Variants in ADGRG1 observed in about 807,000 individuals in gnomAD.
ADGRG1 encodes adhesion G protein-coupled receptor G1, also known as 7-transmembrane protein with no EGF-like N-terminal domains-1.
In ADGRG1, 53 loss-of-function variants were observed where a neutral mutation model predicts 73.5. That is an observed-to-expected ratio of 0.72 (90% CI 0.58 to 0.91). ADGRG1 has a LOEUF of 0.91. Among genes scored for constraint, ADGRG1 ranks in the 40% least tolerant of loss-of-function variants. The pLI is 0.00. For synonymous variants in ADGRG1, 394 were observed against 374.4 expected, an observed-to-expected ratio of 1.05 and a Z score of -0.60; for missense variants, 795 against 871.8, an observed-to-expected ratio of 0.91 and a Z score of 1.11.
Position 57,659,671 on chromosome 16 carries a change from C to T in ADGRG1, c.1545C>T (p.Ala515=). The T allele has an allele frequency of 6.2e-7, 1 of 1,613,844 alleles. No individual in the cohort carries two copies. The highest frequency in any genetic ancestry group is 8.5e-7 in the Non-Finnish European group (1 of 1,179,988). The part of the protein sequence containing the change: ...YVPGYLLKLS[A]MGWGFPIFLV... ...CTGGCTACCTACTCAAGCTGAGCGC[C>T]ATGGGCTGGGGTAAGTGGTTGGGCG... Residue 515 remains alanine, a synonymous_variant, in exon 11 of 14, where the codon GCC becomes GCT. Coordinates refer to ENST00000562631, the MANE Select transcript of ADGRG1 (RefSeq NM_201525.4).
intron 1 of ADGRG1, chr16:57,645,199 C>G (rs2042284084): frequency 1.0e-6 from 1 of 985,330 alleles, no homozygotes; most frequent in South Asian, 4.7e-5. Context: ...AGAGCAGCTG[C>G]GGACGGGAGG....
At chr16:57,633,953 G>C (rs547922895) in intron 1 of ADGRG1, 74 of 368,012 alleles carry the variant, frequency 2.0e-4, no homozygotes, top group Non-Finnish European at 1.2e-4. Flanking sequence ...CAAGACCTGA[G>C]ACCTGACCCA....
chr16:57,637,986 C>T lies in ADGRG1; in HGVS notation c.-36+9184C>T, dbSNP rs1265976152. 3.9e-5 allele frequency among the ~76,000 whole-genome samples: 6 copies of T among 152,206 alleles called. No individual in the cohort carries two copies. The East Asian group carries it at 7.7e-4, about 20-fold the overall frequency. ...TCTGCTGGCCTGGAACCGAAAACCT[C>T]GGTGGGGGTTCTAACCCCTGGTTCT... On this transcript the variant is annotated intron_variant, in intron 1 of 13. Transcript: ENST00000562631.
At chr16:57,624,757 C>T (rs1458405388), upstream of ADGRG1, 2 of 976,936 alleles carry the variant, frequency 2.0e-6, no homozygotes, top group Non-Finnish European at 2.4e-6. Context: ...TCCTGAGGCT[C>T]TCATGTTCTT....
At chr16:57,653,107 C>A in intron 3 of ADGRG1, 96 bp from the exon 4 acceptor site, 1 of 1,592,850 alleles carries the variant, frequency 6.3e-7, no homozygotes, top group Non-Finnish European at 8.5e-7. Flanking sequence ...AAGATCGAGG[C>A]ATTCAGAGTC....
chr16:57,632,937 T>A, intron 1 of ADGRG1: 1 of 985,368 alleles, frequency 1.0e-6, no homozygotes, highest in Non-Finnish European at 1.2e-6. Context: ...TCGGGGCCAC[T>A]TACACCAACT....
intron 1 of ADGRG1, chr16:57,635,639 G>T (rs776610937): frequency 5.1e-6 from 5 of 984,924 alleles, no homozygotes; most frequent in Non-Finnish European, 6.0e-6. Flanking sequence ...GTCCAACCCC[G>T]CCCCTGTTCC....
chr16:57,624,949 G>T (rs185529705), upstream of ADGRG1, among the ~76,000 whole-genome samples: 1 of 152,238 alleles, frequency 6.6e-6, no homozygotes, highest in Admixed American at 6.5e-5. Context: ...TCCCCACTTG[G>T]CAGGCGAGGA....
intron 4 of ADGRG1, chr16:57,653,702 C>G (rs938448434): frequency 1.2e-6 from 1 of 810,318 alleles, no homozygotes; most frequent in Admixed American, 6.2e-5. Flanking sequence ...AGTCCCAGGA[C>G]AGCCCCCACC....
chr16:57,650,802 G>A lies in ADGRG1; in HGVS notation c.65-398G>A, dbSNP rs571655215. Among the ~76,000 whole-genome samples, 390 of 141,050 alleles carry A rather than the reference G, an allele frequency of 2.8e-3. 1 individual carries two copies. Among genetic ancestry groups the A allele is most frequent in the Non-Finnish European group, 4.3e-3 (288 of 66,444 alleles). 92.5% of individuals were successfully genotyped at this position (141,050 alleles called of 152,430 possible). ...CGGCTCACTGCAAGCTCCGCCTCCC[G>A]GGTTCACGCCATTCTCCTGCCTCAG... On this transcript the variant is annotated intron_variant, in intron 2 of 13. Transcript: ENST00000562631.
intron 13 of ADGRG1, 143 bp downstream of exon 13, chr16:57,662,108 C>T (rs1173436442): frequency 4.0e-6 from 3 of 751,028 alleles, no homozygotes; most frequent in Non-Finnish European, 7.1e-6. Flanking sequence ...ATCCAGGCCA[C>T]AGTCAACAAG....
intron 1 of ADGRG1, 99 bp downstream of exon 1, chr16:57,628,901 A>C (rs988059896): frequency 1.1e-6 from 1 of 876,098 alleles, no homozygotes; most frequent in Non-Finnish European, 1.3e-6. Flanking sequence ...TGAGTGTGTG[A>C]GTGTGAGTGT....
intron 2 of ADGRG1, 172 bp from the exon 3 acceptor site, chr16:57,651,028 T>G: frequency 1.2e-5 from 19 of 1,529,644 alleles, no homozygotes; most frequent in Non-Finnish European, 1.7e-5. Flanking sequence ...CTTTTTATAG[T>G]TTGATGCTGA....
chr16:57,624,663 G>A (rs34607492), upstream of ADGRG1: 16,994 of 937,842 alleles, frequency 0.018, 293 homozygotes, highest in East Asian at 0.16. Flanking sequence ...CCTCCTCCTA[G>A]CCCTCCCAGC....
chr16:57,662,643 G>A (rs1187164754), intron 13 of ADGRG1, among the ~76,000 whole-genome samples: 1 of 152,092 alleles, frequency 6.6e-6, no homozygotes, highest in Non-Finnish European at 1.5e-5. Context: ...GGTTGGAACC[G>A]GTTGTGTGTA....
intron 1 of ADGRG1, among the ~76,000 whole-genome samples, chr16:57,649,150 C>G (rs1393796532): frequency 6.6e-6 from 1 of 152,186 alleles, no homozygotes; most frequent in Admixed American, 6.5e-5. Flanking sequence ...AAACCGTGGT[C>G]CCTTTGCTGT....
intron 1 of ADGRG1, chr16:57,632,675 G>C (rs1321561033): frequency 1.8e-6 from 1 of 559,680 alleles, no homozygotes; most frequent in Non-Finnish European, 2.3e-6. Context: ...AGGCCAGTGT[G>C]GTGGGCGTCG....
At chr16:57,634,287 C>T in intron 1 of ADGRG1, 1 of 985,362 alleles carries the variant, frequency 1.0e-6, no homozygotes, top group Non-Finnish European at 1.2e-6. Flanking sequence ...ACTGCCCAGA[C>T]CCACCTGCTT....
upstream of ADGRG1, chr16:57,623,282 G>A (rs561455916): frequency 6.3e-5 from 61 of 971,682 alleles, 1 homozygote; most frequent in African/African-American, 6.7e-4. Flanking sequence ...AGGTGTGGAC[G>A]CAGGAGCCCG....
Sources: allele counts gnomAD v4.1 joint callset (sites outside exome capture counted in the v4.1 genomes callset), GRCh38; gene constraint gnomAD v4.1.1; transcripts MANE v1.5; gene names NCBI Gene and HGNC (gene_info 2026-07-23, HGNC 2026-07-21).